The following GATA6 variants were observed in gnomAD, a reference collection of about 807,000 sequenced individuals.
The protein encoded by GATA6 is transcription factor GATA-6.
In GATA6, 11 loss-of-function variants were observed where a neutral mutation model predicts 48.1. That is an observed-to-expected ratio of 0.23 (90% CI 0.14 to 0.38). The LOEUF (loss-of-function observed/expected upper bound fraction) is 0.38. GATA6 is among the 10% of genes least tolerant of loss of function. The pLI is 1.00. For synonymous variants in GATA6, 419 were observed against 396.1 expected (o/e 1.06, Z -0.69); for missense variants, 795 against 850.3 (o/e 0.93, Z 0.81).
chr18:22,201,196 G>T lies in GATA6; in HGVS notation c.*373G>T, dbSNP rs1393426567. ...CTTCTGATCAATTTTGGTTGTTCCA[G>T]AATTTCTTCATACCTTTTCCACATC... is the stretch of plus-strand genomic sequence containing the variant. On this transcript the variant is annotated 3_prime_UTR_variant, in exon 7 of 7. Transcript: ENST00000269216. 6.6e-5 allele frequency: 17 copies of T among 255,940 alleles called. No homozygotes were observed. In the Admixed American group the frequency reaches 8.0e-4, roughly 12 times the overall value. The allele number at this position is 255,940 out of a possible 1,614,324, so 15.9% of individuals were successfully genotyped here.
chr18:22,195,145 G>A (rs1308607051), intron 6 of GATA6, among the ~76,000 whole-genome samples: 3 of 152,198 alleles, frequency 2.0e-5, no homozygotes, highest in Non-Finnish European at 4.4e-5. Context: ...CAGCCTGGGC[G>A]ACAGAGTGAG....
chr18:22,183,575 G>C (rs1357085915), intron 6 of GATA6, among the ~76,000 whole-genome samples: 1 of 152,046 alleles, frequency 6.6e-6, no homozygotes, highest in Non-Finnish European at 1.5e-5. Context: ...TTGTGTTCTT[G>C]CTGGGAGAGC....
intron 6 of GATA6, among the ~76,000 whole-genome samples, chr18:22,189,705 C>T (rs565394023): frequency 6.6e-5 from 10 of 152,124 alleles, no homozygotes; most frequent in Non-Finnish European, 1.2e-4. Flanking sequence ...CTAGAGGACT[C>T]GAGAGCCAAA....
At chr18:22,183,113 C>G in intron 6 of GATA6, 70 bp downstream of exon 6, 1 of 1,186,944 alleles carries the variant, frequency 8.4e-7, no homozygotes. Context: ...CAAATTTTAT[C>G]TTATCTGGTA....
intron 6 of GATA6, among the ~76,000 whole-genome samples, chr18:22,192,874 C>T (rs1178492215): frequency 6.6e-6 from 1 of 152,152 alleles, no homozygotes; most frequent in Non-Finnish European, 1.5e-5. Flanking sequence ...AGTTTGGCGC[C>T]TTTCTTCACC....
At chr18:22,175,661 G>A (rs2033112434) in intron 2 of GATA6, 1 of 152,148 alleles carries the variant, frequency 6.6e-6, no homozygotes, top group Admixed American at 6.5e-5. Flanking sequence ...AAAGAGACTT[G>A]TTTTGTAAAT....
chr18:22,198,257 G>A (rs1458690799), intron 6 of GATA6, among the ~76,000 whole-genome samples: 1 of 152,022 alleles, frequency 6.6e-6, no homozygotes, highest in Non-Finnish European at 1.5e-5. Flanking sequence ...TTTTTGTAGA[G>A]ACGGGGTCTC....
rs1014625543 is a variant in GATA6 at position 22,185,773 on chromosome 18, G to A, written c.1620+2730G>A. Among the ~76,000 whole-genome samples, 49 of 152,278 alleles carry A rather than the reference G, an allele frequency of 3.2e-4. No individual in the cohort carries two copies. The highest frequency in any genetic ancestry group is 1.1e-3 in the African/African-American group (45 of 41,558). On this transcript the variant is annotated intron_variant, in intron 6 of 6. Transcript: ENST00000269216. The surrounding 1 kb of genome is among the most constrained non-coding windows in gnomAD (Gnocchi z 4.3). ...GGTGTCCCCAGGTTGTTTTCATGGC[G>A]TGCCTGCGTATAACTGTGGATCCCT...
Position 22,181,445 on chromosome 18 carries a change from G to C in GATA6, c.1303-8G>C. On this transcript the variant is annotated splice_polypyrimidine_tract_variant and splice_region_variant and intron_variant, in intron 3 of 6. Transcript: ENST00000269216. ...ATTTTTCCACTTATGTTCTTGTACTGTTTCTAGCCTTCATCACGGCGGCTT... is the reference window on the plus strand; with the variant it reads ...ATTTTTCCACTTATGTTCTTGTACTCTTTCTAGCCTTCATCACGGCGGCTT... 6.2e-7 allele frequency: 1 copy of C among 1,614,028 alleles called. No individual in the cohort carries two copies. The highest frequency in any genetic ancestry group is 8.5e-7 in the Non-Finnish European group (1 of 1,179,978).
At position 22,169,666 on chromosome 18, in the gene GATA6, C is replaced by A. The variant is rs542412090; in HGVS notation, c.-54C>A. The A allele has an allele frequency of 6.6e-6, 1 of 152,384 alleles. No individual in the cohort carries two copies. The highest frequency in any genetic ancestry group is 1.5e-5 in the Non-Finnish European group (1 of 68,130). The allele number at this position is 152,384 out of a possible 1,614,324, so 9.4% of individuals were successfully genotyped here. ...CCCTCCGCCGCGGCCGTTCTCCATGCGCAGCGCCCGCCCGAGGTTCGGCTG... is the reference window on the plus strand; with the variant it reads ...CCCTCCGCCGCGGCCGTTCTCCATGAGCAGCGCCCGCCCGAGGTTCGGCTG... On this transcript the variant is annotated 5_prime_UTR_variant, in exon 1 of 7. Transcript: ENST00000269216.
At chr18:22,181,355 T>A in intron 3 of GATA6, 98 bp from the exon 4 acceptor site, 2 of 1,358,158 alleles carry the variant, frequency 1.5e-6, no homozygotes, top group East Asian at 2.4e-5. Context: ...AACAGATACA[T>A]ACTTGTTGAT....
At chr18:22,181,419 T>C (rs543198754) in intron 3 of GATA6, 34 bp from the exon 4 acceptor site, 15 of 1,612,730 alleles carry the variant, frequency 9.3e-6, no homozygotes, top group Non-Finnish European at 1.1e-5. Flanking sequence ...ATGTCACTTA[T>C]ATTTTTCCAC....
At chr18:22,200,028 A>C (rs1395333975) in intron 6 of GATA6, among the ~76,000 whole-genome samples, 1 of 152,170 alleles carries the variant, frequency 6.6e-6, no homozygotes, top group African/African-American at 2.4e-5. Flanking sequence ...ATTAAGGTAA[A>C]TGAGGTAGAT....
Position 22,171,365 on chromosome 18 carries a change from C to A in GATA6, c.221C>A (p.Pro74Gln), listed in dbSNP as rs748788731. Reference protein sequence around the residue: ...QLDTEAAAGPPARSLLLSSYA... With the variant: ...QLDTEAAAGPQARSLLLSSYA... ...GACACGGAGGCGGCGGCCGGACCCCCGGCCCGCTCGCTGCTGCTCAGTTCC... is the reference window on the plus strand; with the variant it reads ...GACACGGAGGCGGCGGCCGGACCCCAGGCCCGCTCGCTGCTGCTCAGTTCC... Residue 74 changes from proline to glutamine, a missense_variant, in exon 2 of 7, where the codon CCG becomes CAG. By Grantham distance (76) the Pro-to-Gln change is moderately conservative. Around this residue, in one of 5 missense-constraint regions of GATA6, gnomAD observed 591 missense variants for 570.0 expected, o/e 1.04. Transcript: ENST00000269216. The surrounding 1 kb of genome is among the most constrained non-coding windows in gnomAD (Gnocchi z 7.1). The A allele has an allele frequency of 6.3e-7, 1 of 1,584,226 alleles. No homozygotes were observed. Among genetic ancestry groups the A allele is most frequent in the South Asian group, 1.1e-5 (1 of 89,520 alleles).
intron 6 of GATA6, 102 bp downstream of exon 6, chr18:22,183,145 G>A (rs944698034): frequency 1.1e-6 from 1 of 892,380 alleles, no homozygotes. Context: ...TAAACCAACA[G>A]TTCAGTTTAG....
intron 3 of GATA6, among the ~76,000 whole-genome samples, chr18:22,177,605 C>T (rs909300940): frequency 5.3e-5 from 8 of 152,292 alleles, no homozygotes; most frequent in African/African-American, 1.7e-4. Flanking sequence ...ACTTTTTTCA[C>T]TGTGTATGGT....
chr18:22,186,479 C>T (rs543694365), intron 6 of GATA6, among the ~76,000 whole-genome samples: 2 of 152,316 alleles, frequency 1.3e-5, no homozygotes, highest in South Asian at 4.2e-4. Context: ...TCCCAGCAGG[C>T]TTATTGTAAG....
At position 22,170,944 on chromosome 18, in the gene GATA6, C is replaced by G. The variant is rs2033025882; in HGVS notation, c.-37-164C>G. ...CCTTCCCCTCCCTTATTGATCTCCA[C>G]GCCCGGGGCAGAAATAGGATCTTTG... is the stretch of plus-strand genomic sequence containing the variant. On this transcript the variant is annotated intron_variant, in intron 1 of 6. Transcript: ENST00000269216. This position sits in a 1 kb window ranked among gnomAD's most constrained non-coding sequence, Gnocchi z 6.7. 2 of 610,816 alleles carry G rather than the reference C, an allele frequency of 3.3e-6. No individual in the cohort carries two copies. The highest frequency in any genetic ancestry group is 5.8e-6 in the Non-Finnish European group (2 of 342,628). 37.8% of individuals were successfully genotyped at this position (610,816 alleles called of 1,614,324 possible).
At chr18:22,200,013 A>T (rs1351041051) in intron 6 of GATA6, among the ~76,000 whole-genome samples, 1 of 152,040 alleles carries the variant, frequency 6.6e-6, no homozygotes, top group Non-Finnish European at 1.5e-5. Flanking sequence ...CTGTTCTTGT[A>T]AAGAATTAAG....
Sources: allele counts gnomAD v4.1 joint callset (sites outside exome capture counted in the v4.1 genomes callset), GRCh38; gene constraint gnomAD v4.1.1; regional missense constraint gnomAD v4.1.1; non-coding constraint Gnocchi (gnomAD v3.1); transcripts MANE v1.5; gene names NCBI Gene and HGNC (gene_info 2026-07-23, HGNC 2026-07-21).